Variants in EVL observed in about 807,000 individuals in gnomAD.
The protein encoded by EVL is ena/VASP-like protein.
EVL carries 21 observed loss-of-function variants against 59.6 expected under a neutral mutation model. That is an observed-to-expected ratio of 0.35 (90% CI 0.25 to 0.51). EVL has a LOEUF of 0.51. EVL is among the 20% of genes least tolerant of loss of function. EVL has a pLI of 0.97. For missense variants in EVL, 462 were observed against 546.6 expected (o/e 0.85, Z 1.54); for synonymous variants, 198 against 203.5 (o/e 0.97, Z 0.23).
chr14:99,985,690 C>A lies in EVL; in HGVS notation c.5+13633C>A, dbSNP rs577772262. ...GCTGAGGCAGAAGAATCGCTTGAAC[C>A]CAGGAGGTGGAGGTTGCGGTGAGCC... On this transcript the variant is annotated intron_variant, in intron 1 of 13. Transcript: ENST00000402714. Among the ~76,000 whole-genome samples the A allele has an allele frequency of 4.0e-5, 6 of 151,840 alleles. No homozygotes were observed. In the East Asian group the frequency reaches 1.2e-3, roughly 30 times the overall value.
At chr14:100,054,651 T>A (rs2061698564) in intron 1 of EVL, among the ~76,000 whole-genome samples, 1 of 152,078 alleles carries the variant, frequency 6.6e-6, no homozygotes, top group South Asian at 2.1e-4. Flanking sequence ...CCATTTATCG[T>A]GCCTGCCTTG....
At chr14:99,975,118 G>A (rs112275687) in intron 1 of EVL, 4,426 of 152,464 alleles carry the variant, frequency 0.029, 90 homozygotes, top group Non-Finnish European at 0.042. Context: ...GGGGCCTCTA[G>A]GCCCTCCCAC....
chr14:100,140,147 AG>A (rs58841681), intron 11 of EVL: 11,788 of 152,148 alleles, frequency 0.077, 791 homozygotes, highest in East Asian at 0.37. Flanking sequence ...GCTACTCGGG[AG>A]GCTCACTTGA....
chr14:99,980,419 C>T (rs1162649674), intron 1 of EVL, among the ~76,000 whole-genome samples: 1 of 152,134 alleles, frequency 6.6e-6, no homozygotes, highest in Non-Finnish European at 1.5e-5. Context: ...AAGTTACCTG[C>T]CTCCCCCGGG....
chr14:100,038,771 G>GGGGGGGTGTGT (rs375810603), intron 1 of EVL, among the ~76,000 whole-genome samples: 1 of 140,916 alleles, frequency 7.1e-6, no homozygotes, highest in Admixed American at 7.2e-5. Context: ...TGTGCCCTGG[G>GGGGGGGTGTGT]GTGTGTGTGT....
At position 100,143,777 on chromosome 14, in the gene EVL, GGCGACAGAGGACAGCCAGAAGCCCAGCCA is replaced by G; in HGVS notation, c.*42_*70del. 1 of 1,603,584 alleles carries G rather than the reference GGCGACAGAGGACAGCCAGAAGCCCAGCCA, an allele frequency of 6.2e-7. No individual in the cohort carries two copies. Among genetic ancestry groups the G allele is most frequent in the Non-Finnish European group, 8.5e-7 (1 of 1,175,370 alleles). ...CTGCGCTGATTCGTCGAGCCCATCCGGCGACAGAGGACAGCCAGAAGCCCAGCCAGCCCCAGACTCCAGTGCACCAGAGC... is the reference window on the plus strand; with the variant it reads ...CTGCGCTGATTCGTCGAGCCCATCCGGCCCCAGACTCCAGTGCACCAGAGC... On this transcript the variant is annotated 3_prime_UTR_variant, in exon 14 of 14. Transcript: ENST00000392920.
intron 1 of EVL, among the ~76,000 whole-genome samples, chr14:100,080,563 G>A (rs899936224): frequency 6.6e-6 from 1 of 152,224 alleles, no homozygotes; most frequent in African/African-American, 2.4e-5. Flanking sequence ...GAAGCTTTAA[G>A]AGTTTAGGTC....
In EVL at chr14:100,048,718, G is replaced by A. The variant is rs142920365; in HGVS notation, c.6-35969G>A. On this transcript the variant is annotated intron_variant, in intron 1 of 13. Transcript: ENST00000402714. ...TAAATGGATAAACAACTTGTAATAC[G>A]TCCATACAACAGAACACTACTCTGC... 1.1e-4 allele frequency among the ~76,000 whole-genome samples: 17 copies of A among 152,064 alleles called. No homozygotes were observed. In the East Asian group the frequency reaches 2.3e-3, roughly 21 times the overall value.
chr14:100,070,109 A>G (rs922171697), intron 1 of EVL, among the ~76,000 whole-genome samples: 1 of 152,028 alleles, frequency 6.6e-6, no homozygotes, highest in African/African-American at 2.4e-5. Flanking sequence ...TAAAAAATGA[A>G]AATTAGCCAG....
intron 2 of EVL, among the ~76,000 whole-genome samples, chr14:100,096,130 C>A (rs1278694949): frequency 6.6e-6 from 1 of 152,178 alleles, no homozygotes; most frequent in East Asian, 1.9e-4. Context: ...CCACCCAAGA[C>A]TTGGAAAACA....
intron 1 of EVL, among the ~76,000 whole-genome samples, chr14:100,001,437 C>T (rs75860164): frequency 6.6e-6 from 1 of 152,210 alleles, no homozygotes. Flanking sequence ...ATTCGTCTCT[C>T]TCTCCAGTTT....
rs530391227 is a variant in EVL, at chr14:100,135,985, C to T, written c.964+17C>T. The T allele has an allele frequency of 2.5e-5, 40 of 1,613,240 alleles. No homozygotes were observed. The highest frequency in any genetic ancestry group is 1.7e-4 in the Middle Eastern group (1 of 6,060). On this transcript the variant is annotated intron_variant, in intron 9 of 13. Transcript: ENST00000392920. The stretch of plus-strand genomic sequence containing the variant: ...ACTCCTCAGGTGAGAGGGCGCCCCC[C>T]GCTGACCCCAGTGAGGCATGAGGTC...
At chr14:100,061,335 A>G (rs1595113525), upstream of EVL, among the ~76,000 whole-genome samples, 1 of 134,848 alleles carries the variant, frequency 7.4e-6, no homozygotes, top group East Asian at 2.5e-4. Context: ...GGATCATTTG[A>G]GCCTGGGAGG....
At chr14:99,989,406 T>C (rs2060861396) in intron 1 of EVL, among the ~76,000 whole-genome samples, 1 of 152,216 alleles carries the variant, frequency 6.6e-6, no homozygotes, top group South Asian at 2.1e-4. Context: ...AAATGTCTCC[T>C]CTGTGCTTTG....
At chr14:100,098,069 G>T (rs558367502) in intron 3 of EVL, among the ~76,000 whole-genome samples, 1 of 152,302 alleles carries the variant, frequency 6.6e-6, no homozygotes, top group South Asian at 2.1e-4. Flanking sequence ...GCAAGAAACC[G>T]TGTAGGCAAA....
chr14:100,061,122 GGCT>G (rs1335004139), upstream of EVL, among the ~76,000 whole-genome samples: 1 of 152,128 alleles, frequency 6.6e-6, no homozygotes, highest in East Asian at 1.9e-4. Flanking sequence ...CAGGCATGGT[GGCT>G]CACGCCTGTA....
At chr14:100,033,649 A>G (rs192026547) in intron 1 of EVL, among the ~76,000 whole-genome samples, 18 of 152,330 alleles carry the variant, frequency 1.2e-4, no homozygotes, top group African/African-American at 4.1e-4. Flanking sequence ...ACTGAACTTG[A>G]CTATGATCAG....
intron 3 of EVL, chr14:100,106,239 T>C (rs1204602110): frequency 2.6e-5 from 4 of 152,262 alleles, no homozygotes; most frequent in African/African-American, 4.8e-5. Flanking sequence ...TGCTCTGTTT[T>C]AAGAAAAAGC....
chr14:100,071,120 G>C (rs1327179654), intron 1 of EVL, among the ~76,000 whole-genome samples: 1 of 152,134 alleles, frequency 6.6e-6, no homozygotes, highest in Non-Finnish European at 1.5e-5. Flanking sequence ...CATCCAAGGA[G>C]AAAAGGCAAA....
Sources: allele counts gnomAD v4.1 joint callset (sites outside exome capture counted in the v4.1 genomes callset), GRCh38; gene constraint gnomAD v4.1.1; transcripts MANE v1.5; gene names NCBI Gene and HGNC (gene_info 2026-07-23, HGNC 2026-07-21).